RAI14: variants seen among roughly 807,000 people sequenced by gnomAD.
The protein encoded by RAI14 is retinoic acid induced 14.
In RAI14, 45 loss-of-function variants were observed where a neutral mutation model predicts 115.4. The observed-to-expected ratio is 0.39, with a 90% CI of 0.31 to 0.50. The LOEUF (loss-of-function observed/expected upper bound fraction) is 0.50, where lower values mean the gene tolerates loss of function less well. Ranked by LOEUF, RAI14 falls within the 20% of genes least tolerant of loss-of-function variation. The pLI, the probability that RAI14 is intolerant of heterozygous loss-of-function variation, is 0.85. For synonymous variants in RAI14, 371 were observed against 415.4 expected (o/e 0.89, Z 1.30); for missense variants, 939 against 1,131.2 (o/e 0.83, Z 2.44).
At chr5:34,776,342 T>C (rs989343411) in intron 3 of RAI14, among the ~76,000 whole-genome samples, 3 of 152,158 alleles carry the variant, frequency 2.0e-5, no homozygotes, top group Non-Finnish European at 4.4e-5. Flanking sequence ...AAATAAGATC[T>C]CGTATTTGAT....
intron 3 of RAI14, among the ~76,000 whole-genome samples, chr5:34,766,786 G>A (rs1749433540): frequency 1.3e-5 from 2 of 152,154 alleles, no homozygotes; most frequent in African/African-American, 4.8e-5. Context: ...GGGGCAGAAT[G>A]ATATGATTTG....
intron 1 of RAI14, among the ~76,000 whole-genome samples, chr5:34,678,579 G>A (rs1269575084): frequency 2.6e-5 from 4 of 152,164 alleles, no homozygotes; most frequent in Non-Finnish European, 5.9e-5. Flanking sequence ...CAGGGCGAAG[G>A]CGTCCATCTA....
At chr5:34,771,641 C>T (rs1750168912) in intron 3 of RAI14, among the ~76,000 whole-genome samples, 1 of 152,152 alleles carries the variant, frequency 6.6e-6, no homozygotes, top group Non-Finnish European at 1.5e-5. Context: ...TTATCCCAGC[C>T]TTGTCCCATG....
intron 1 of RAI14, among the ~76,000 whole-genome samples, chr5:34,666,092 G>T (rs1743187092): frequency 6.6e-6 from 1 of 152,188 alleles, no homozygotes; most frequent in Admixed American, 6.5e-5. Flanking sequence ...AAGGAGTTGG[G>T]TCTGTTCTGT....
intron 2 of RAI14, among the ~76,000 whole-genome samples, chr5:34,738,621 T>C (rs1745146265): frequency 6.6e-6 from 1 of 152,182 alleles, no homozygotes; most frequent in Admixed American, 6.5e-5. Flanking sequence ...CCTTTATTCC[T>C]CTGAATTAGG....
chr5:34,696,415 C>T (rs550864611), intron 2 of RAI14, among the ~76,000 whole-genome samples: 6 of 152,202 alleles, frequency 3.9e-5, no homozygotes, highest in South Asian at 4.2e-4. Flanking sequence ...GGATTACAGG[C>T]GTGAGCCACC....
chr5:34,735,098 CT>C (rs1744702929), intron 2 of RAI14, among the ~76,000 whole-genome samples: 2 of 152,288 alleles, frequency 1.3e-5, no homozygotes, highest in South Asian at 2.1e-4. Flanking sequence ...GTTGATGCAG[CT>C]CTTTATTGAT....
chr5:34,685,234 A>G (rs112447006), intron 1 of RAI14, among the ~76,000 whole-genome samples: 19 of 152,316 alleles, frequency 1.2e-4, no homozygotes, highest in African/African-American at 4.6e-4. Context: ...AAGGAAAAAA[A>G]AAAAAGATAA....
chr5:34,714,684 A>G (rs950229736), intron 2 of RAI14, among the ~76,000 whole-genome samples: 6 of 152,226 alleles, frequency 3.9e-5, no homozygotes, highest in African/African-American at 1.4e-4. Flanking sequence ...AACATGAAGC[A>G]TACTGTTTCC....
At chr5:34,771,303 G>A (rs1750126809) in intron 3 of RAI14, among the ~76,000 whole-genome samples, 1 of 152,176 alleles carries the variant, frequency 6.6e-6, no homozygotes, top group Non-Finnish European at 1.5e-5. Flanking sequence ...GAGCGTTGGT[G>A]GCTTGCTTCA....
intron 1 of RAI14, among the ~76,000 whole-genome samples, chr5:34,668,892 C>T (rs1016627828): frequency 1.3e-5 from 2 of 152,018 alleles, no homozygotes; most frequent in South Asian, 4.2e-4. Flanking sequence ...GAGTCTCGCT[C>T]TGTCCCCAGG....
At position 34,823,029 on chromosome 5, in the gene RAI14, C is replaced by T. The variant is rs779981720; in HGVS notation, c.1187C>T (p.Pro396Leu). The change falls in exon 15 of 18, where the codon CCA becomes CTA. Residue 396 changes from proline (P) to leucine (L), a missense_variant. Physicochemically the swap from Pro to Leu is moderately conservative, Grantham distance 98. Transcript: ENST00000265109. The surrounding 1 kb of genome is among the most constrained non-coding windows in gnomAD (Gnocchi z 4.5). ...SYHSTQTDLGPSLGKPGETSP... is the reference protein window; with the variant it reads ...SYHSTQTDLGLSLGKPGETSP... The stretch of plus-strand genomic sequence containing the variant: ...CATTCCACCCAAACTGACTTGGGCC[C>T]ATCCCTGGGAAAACCTGGTGAAACC... 2.3e-5 allele frequency: 37 copies of T among 1,613,890 alleles called. No individual in the cohort carries two copies. Among genetic ancestry groups the T allele is most frequent in the Non-Finnish European group, 3.1e-5 (36 of 1,179,948 alleles).
chr5:34,826,341 G>A lies in RAI14; in HGVS notation c.2661G>A (p.Met887Ile), dbSNP rs760958531. 6.2e-7 allele frequency: 1 copy of A among 1,613,868 alleles called. No individual in the cohort carries two copies. The highest frequency in any genetic ancestry group is 2.2e-5 in the East Asian group (1 of 44,884). The change falls in exon 16 of 18, where the codon ATG becomes ATA. Residue 887 changes from methionine to isoleucine, a missense_variant. By Grantham distance (10) the Met-to-Ile change is conservative (BLOSUM62 1). Coordinates refer to ENST00000265109, the MANE Select transcript of RAI14 (RefSeq NM_015577.3). ...TCCTTTGCCCCTAGATAAATGAGAT[G>A]TCGAAGGAAGTCACCAAATTGAAGG... ...EEDKDKKINE[M>I]SKEVTKLKEA... is the part of the protein sequence containing the mutation.
chr5:34,797,450 T>C (rs950828417), intron 4 of RAI14, among the ~76,000 whole-genome samples: 3 of 151,736 alleles, frequency 2.0e-5, no homozygotes, highest in African/African-American at 7.3e-5. Context: ...GGTTTTTTTT[T>C]AGGGCAAACC....
intron 3 of RAI14, among the ~76,000 whole-genome samples, chr5:34,784,679 T>C (rs887937372): frequency 2.0e-5 from 3 of 152,216 alleles, no homozygotes; most frequent in Non-Finnish European, 4.4e-5. Flanking sequence ...AGTAGGTGAA[T>C]GCTGAGTTGG....
intron 1 of RAI14, among the ~76,000 whole-genome samples, chr5:34,675,625 C>A (rs1486774933): frequency 6.6e-6 from 1 of 151,948 alleles, no homozygotes; most frequent in Non-Finnish European, 1.5e-5. Context: ...GTGATGCACA[C>A]CTGTAGTCCC....
Position 34,808,661 on chromosome 5 carries a change from A to G in RAI14, c.450+7A>G. On this transcript the variant is annotated splice_region_variant and intron_variant, in intron 7 of 17. Coordinates refer to ENST00000265109, the MANE Select transcript of RAI14 (RefSeq NM_015577.3). ...CATAAACCTCAAAGATTTGGTAAGT[A>G]CCAGGTGGTCACTAGAGGCAGAGGT... 1 of 1,613,600 alleles carries G rather than the reference A, an allele frequency of 6.2e-7. No individual in the cohort carries two copies. The highest frequency in any genetic ancestry group is 1.1e-5 in the South Asian group (1 of 91,058).
rs1752947277 is a variant in RAI14, at chr5:34,791,835, T to C, written c.168-4104T>C. 6.6e-6 allele frequency among the ~76,000 whole-genome samples: 1 copy of C among 152,226 alleles called. No individual in the cohort carries two copies. Among genetic ancestry groups the C allele is most frequent in the Non-Finnish European group, 1.5e-5 (1 of 68,036 alleles). On this transcript the variant is annotated intron_variant, in intron 3 of 17. Transcript: ENST00000265109. The surrounding 1 kb of genome is among the most constrained non-coding windows in gnomAD (Gnocchi z 5.4). Reference sequence around the variant, plus strand: ...CTGTGGGAGAGCCGGCCTGCAAAGCTGTGGCCTTCACAGAGGAAGACAGCC... The same window carrying C: ...CTGTGGGAGAGCCGGCCTGCAAAGCCGTGGCCTTCACAGAGGAAGACAGCC...
chr5:34,754,191 G>A (rs1476979780), intron 2 of RAI14, among the ~76,000 whole-genome samples: 1 of 152,106 alleles, frequency 6.6e-6, no homozygotes, highest in East Asian at 1.9e-4. Context: ...AAAACTGATG[G>A]CCTCTTTATC....
Sources: allele counts gnomAD v4.1 joint callset (sites outside exome capture counted in the v4.1 genomes callset), GRCh38; gene constraint gnomAD v4.1.1; non-coding constraint Gnocchi (gnomAD v3.1); transcripts MANE v1.5; gene names NCBI Gene and HGNC (gene_info 2026-07-23, HGNC 2026-07-21).